Variants in EYS observed in about 807,000 individuals in gnomAD.
The protein encoded by EYS is EGF-like photoreceptor maintenance factor.
A neutral mutation model predicts 282.1 loss-of-function variants in EYS; 250 were observed. That is an observed-to-expected ratio of 0.89 (90% CI 0.80 to 0.98). EYS has a LOEUF of 0.98. Among genes scored for constraint, EYS ranks in the 50% least tolerant of loss-of-function variants. The pLI is 0.00. For missense variants in EYS, 4,016 were observed against 3,709.0 expected (o/e 1.08, Z -2.15); for synonymous variants, 1,355 against 1,282.9 (o/e 1.06, Z -1.20).
chr6:64,382,500 G>A (rs577652483), intron 29 of EYS, among the ~76,000 whole-genome samples: 1 of 152,308 alleles, frequency 6.6e-6, no homozygotes, highest in Non-Finnish European at 1.5e-5. Flanking sequence ...GTCTGAGGCT[G>A]ATGTTTGACT....
At chr6:64,300,218 G>C (rs1769185892) in intron 30 of EYS, among the ~76,000 whole-genome samples, 1 of 152,104 alleles carries the variant, frequency 6.6e-6, no homozygotes, top group Non-Finnish European at 1.5e-5. Context: ...GTTTGTGATG[G>C]GTGGAAGAAA....
rs75961633 is a variant in EYS at position 65,061,789 on chromosome 6, C to G, written c.2024-4062G>C. Among the ~76,000 whole-genome samples, 193 of 151,958 alleles carry G rather than the reference C, an allele frequency of 1.3e-3. 1 individual carries two copies. In the East Asian group the frequency reaches 0.033, roughly 26 times the overall value. On this transcript the variant is annotated intron_variant, in intron 12 of 42. Coordinates refer to ENST00000503581, the MANE Select transcript of EYS (RefSeq NM_001142800.2). ...CATCTGGGCTAAATCACACTGTGAT[C>G]GTTTTCTCCTCATAGGAACCATCAT... is the stretch of plus-strand genomic sequence containing the variant.
intron 5 of EYS, among the ~76,000 whole-genome samples, chr6:65,470,500 T>C (rs1765172056): frequency 6.6e-6 from 1 of 152,164 alleles, no homozygotes; most frequent in Admixed American, 6.5e-5. Flanking sequence ...AATCTAAATA[T>C]ACATTCAATT....
intron 30 of EYS, among the ~76,000 whole-genome samples, chr6:64,289,295 A>T (rs975206118): frequency 2.0e-5 from 3 of 152,078 alleles, no homozygotes; most frequent in African/African-American, 7.2e-5. Flanking sequence ...TTTATAAAGC[A>T]TGCCCACACA....
intron 12 of EYS, among the ~76,000 whole-genome samples, chr6:65,096,239 T>A (rs1774736487): frequency 6.6e-6 from 1 of 150,876 alleles, no homozygotes; most frequent in South Asian, 2.1e-4. Context: ...ATTAAAGACA[T>A]AATTTATAAT....
At chr6:64,300,101 T>C (rs1373128340) in intron 30 of EYS, among the ~76,000 whole-genome samples, 4 of 152,194 alleles carry the variant, frequency 2.6e-5, no homozygotes, top group Non-Finnish European at 4.4e-5. Flanking sequence ...GTTCTTAGCC[T>C]ACCTGGTAAT....
At chr6:65,019,048 C>A (rs370426681) in intron 13 of EYS, among the ~76,000 whole-genome samples, 1 of 151,996 alleles carries the variant, frequency 6.6e-6, no homozygotes, top group Admixed American at 6.6e-5. Context: ...AAATGTAGAA[C>A]GAGAAAGACT....
At chr6:64,289,427 G>T (rs1411618573) in intron 30 of EYS, among the ~76,000 whole-genome samples, 1 of 151,984 alleles carries the variant, frequency 6.6e-6, no homozygotes, top group African/African-American at 2.4e-5. Flanking sequence ...ATACTCAATG[G>T]ATACGATATT....
chr6:64,465,239 T>C (rs963490632), intron 26 of EYS, among the ~76,000 whole-genome samples: 1 of 152,016 alleles, frequency 6.6e-6, no homozygotes, highest in Non-Finnish European at 1.5e-5. Flanking sequence ...AATGACATTC[T>C]AACAAAAATA....
chr6:64,983,627 T>C (rs796845593), intron 14 of EYS, among the ~76,000 whole-genome samples: 25 of 151,536 alleles, frequency 1.6e-4, no homozygotes, highest in African/African-American at 5.8e-4. Flanking sequence ...TCTCCTACTT[T>C]TTACTTCTGT....
At chr6:65,547,198 G>A (rs1296020316) in intron 2 of EYS, among the ~76,000 whole-genome samples, 1 of 149,464 alleles carries the variant, frequency 6.7e-6, no homozygotes, top group Non-Finnish European at 1.5e-5. Flanking sequence ...TTATAGAGTT[G>A]AGCTCATCTA....
chr6:64,852,349 G>A (rs767797233), intron 19 of EYS, among the ~76,000 whole-genome samples: 3 of 152,068 alleles, frequency 2.0e-5, no homozygotes, highest in Non-Finnish European at 4.4e-5. Flanking sequence ...ATGTAAAAAG[G>A]CTTGACTGTC....
chr6:64,232,262 T>G (rs1766444698), intron 30 of EYS, among the ~76,000 whole-genome samples: 2 of 152,204 alleles, frequency 1.3e-5, no homozygotes, highest in South Asian at 4.1e-4. Context: ...GGATGACTTC[T>G]GTGCTTTTCT....
intron 28 of EYS, among the ~76,000 whole-genome samples, chr6:64,433,383 T>C (rs551285813): frequency 1.3e-5 from 2 of 152,176 alleles, no homozygotes; most frequent in South Asian, 2.1e-4. Context: ...TGTGTTCAAC[T>C]CATAATTCGT....
At chr6:65,579,087 A>G (rs1424487932) in intron 2 of EYS, among the ~76,000 whole-genome samples, 1 of 152,112 alleles carries the variant, frequency 6.6e-6, no homozygotes, top group East Asian at 1.9e-4. Context: ...TATGGCAGTG[A>G]CCTAATGGCC....
chr6:64,713,759 AAT>A (rs1771286213), intron 22 of EYS, among the ~76,000 whole-genome samples: 2 of 152,158 alleles, frequency 1.3e-5, no homozygotes, highest in Admixed American at 1.3e-4. Context: ...ACAGCCACTT[AAT>A]ATATATGTTA....
chr6:64,149,908 G>A (rs985295792), intron 31 of EYS, among the ~76,000 whole-genome samples: 2 of 152,166 alleles, frequency 1.3e-5, no homozygotes, highest in African/African-American at 4.8e-5. Context: ...TGCCTTCATG[G>A]GGGTGGAGGG....
chr6:64,119,317 C>CA (rs570489821), intron 31 of EYS, among the ~76,000 whole-genome samples: 148 of 152,242 alleles, frequency 9.7e-4, no homozygotes, highest in African/African-American at 3.5e-3. Flanking sequence ...TTTATCAACA[C>CA]ATTTGAAATA....
intron 12 of EYS, among the ~76,000 whole-genome samples, chr6:65,201,806 A>T (rs56130540): frequency 0.011 from 1,645 of 152,170 alleles, 22 homozygotes; most frequent in African/African-American, 0.038. Flanking sequence ...CACACAAAAA[A>T]ATGATTTTGT....
Sources: gnomAD v4.1 joint callset for allele counts (sites outside exome capture counted in the v4.1 genomes callset) on GRCh38, gnomAD v4.1.1 for gene constraint, MANE v1.5 for transcripts, NCBI Gene and HGNC (gene_info 2026-07-23, HGNC 2026-07-21) for gene names.